The following OTOL1 variants were observed in gnomAD, a reference collection of about 807,000 sequenced individuals.
The protein encoded by OTOL1 is otolin 1.
In OTOL1, 31 loss-of-function variants were observed where a neutral mutation model predicts 25.0. The ratio of observed to expected loss-of-function variants is 1.24; its 90% CI spans 0.93 to 1.67. The LOEUF is 1.67. OTOL1 is among the 40% of genes most tolerant of loss of function. The pLI, the probability that OTOL1 is intolerant of heterozygous loss-of-function variation, is 0.00. For missense variants in OTOL1, 654 were observed against 587.7 expected, an observed-to-expected ratio of 1.11 and a Z score of -1.17; for synonymous variants, 225 against 210.3, an observed-to-expected ratio of 1.07 and a Z score of -0.61.
At chr3:161,497,238 G>A (rs140387418) in intron 1 of OTOL1, 67 bp downstream of exon 1, 59 of 1,522,392 alleles carry the variant, frequency 3.9e-5, no homozygotes, top group Admixed American at 3.7e-4. Flanking sequence ...GTAGGTTGTC[G>A]GGTGAAATTG....
In OTOL1 at chr3:161,499,218, G is replaced by T. The variant is rs747501456; in HGVS notation, c.412G>T (p.Val138Phe). Residue 138 changes from valine (V) to phenylalanine (F), a missense_variant, in exon 2 of 4, where the codon GTT becomes TTT. Transcript: ENST00000327928. Reference protein sequence around the residue: ...GNLGIPGPPGVVGPQGPRGYK... With the variant: ...GNLGIPGPPGFVGPQGPRGYK... ...TTTGGGGATCCCAGGGCCACCAGGA[G>T]TTGTTGGGCCCCAAGGCCCTAGAGG... 1 of 1,611,706 alleles carries T rather than the reference G, an allele frequency of 6.2e-7. No individual in the cohort carries two copies. The highest frequency in any genetic ancestry group is 1.1e-5 in the South Asian group (1 of 90,426).
chr3:161,500,080 A>G (rs1412463911), intron 2 of OTOL1, among the ~76,000 whole-genome samples: 2 of 152,306 alleles, frequency 1.3e-5, no homozygotes, highest in African/African-American at 4.8e-5. Flanking sequence ...AGCAGCCTGT[A>G]GAAATACCAT....
rs1049612191 is a variant in OTOL1 at position 161,503,632 on chromosome 3, C to A, written c.1124C>A (p.Pro375His). 1.2e-6 allele frequency: 2 copies of A among 1,613,696 alleles called. No homozygotes were observed. Among genetic ancestry groups the A allele is most frequent in the African/African-American group, 2.7e-5 (2 of 74,896 alleles). ...ILYNDQGNYS[P>H]VTGKFNCSIP... ...TATAATGACCAAGGGAATTACAGTC[C>A]TGTCACTGGGAAGTTTAACTGCTCT... is the stretch of plus-strand genomic sequence containing the variant. The change falls in exon 4 of 4, where the codon CCT becomes CAT. Residue 375 changes from proline to histidine, a missense_variant. Physicochemically the swap from Pro to His is moderately conservative, Grantham distance 77. Coordinates refer to ENST00000327928, the MANE Select transcript of OTOL1 (RefSeq NM_001080440.1).
chr3:161,497,487 G>A (rs1243367988), intron 1 of OTOL1, among the ~76,000 whole-genome samples: 1 of 152,136 alleles, frequency 6.6e-6, no homozygotes, highest in African/African-American at 2.4e-5. Context: ...ACTGGACAGT[G>A]CTGGTGAGAG....
intron 2 of OTOL1, among the ~76,000 whole-genome samples, chr3:161,501,758 G>T (rs1454500606): frequency 6.6e-6 from 1 of 152,010 alleles, no homozygotes; most frequent in Non-Finnish European, 1.5e-5. Context: ...TTTATGAGAG[G>T]TTTGAAGAGC....
rs1719042539 is a variant in OTOL1 at position 161,503,779 on chromosome 3, T to C, written c.1271T>C (p.Ile424Thr). The C allele has an allele frequency of 3.7e-6, 6 of 1,613,738 alleles. No homozygotes were observed. Among genetic ancestry groups the C allele is most frequent in the Non-Finnish European group, 2.5e-6 (3 of 1,179,846 alleles). ...AGAGAAACTCTCTATGGTCAGGAAA[T>C]AGACCAGGCCTCTCTCCTCGTCATC... ...KSRETLYGQE[I>T]DQASLLVILK... The change falls in exon 4 of 4, where the codon ATA (isoleucine) becomes ACA (threonine). Residue 424 changes from isoleucine to threonine, a missense_variant. By Grantham distance (89) the Ile-to-Thr change is moderately conservative. Transcript: ENST00000327928.
Position 161,503,120 on chromosome 3 carries a change from C to A in OTOL1, c.612C>A (p.Thr204=). The part of the protein sequence containing the change: ...GSKGDTCGNC[T]KGEKGDQGAM... ...AGGGAGACACATGTGGGAATTGTAC[C>A]AAAGGAGAAAAAGGAGACCAAGGGG... Residue 204 remains threonine (T), a synonymous_variant, in exon 4 of 4, where the codon ACC becomes ACA. Transcript: ENST00000327928. 1 of 1,430,564 alleles carries A rather than the reference C, an allele frequency of 7.0e-7. No homozygotes were observed. Among genetic ancestry groups the A allele is most frequent in the Non-Finnish European group, 9.1e-7 (1 of 1,094,420 alleles). 88.6% of individuals were successfully genotyped at this position (1,430,564 alleles called of 1,614,324 possible).
chr3:161,497,270 T>C (rs1718858147), intron 1 of OTOL1, 99 bp downstream of exon 1: 1 of 1,395,460 alleles, frequency 7.2e-7, no homozygotes, highest in Non-Finnish European at 9.7e-7. Flanking sequence ...TCTACGTTGT[T>C]ATGCAAATAG....
In OTOL1 at chr3:161,503,378, GATT is replaced by G. The variant is rs1350623906; in HGVS notation, c.872_874del (p.Ile291del). 2 of 1,607,840 alleles carry G rather than the reference GATT, an allele frequency of 1.2e-6. No individual in the cohort carries two copies. Among genetic ancestry groups the G allele is most frequent in the African/African-American group, 1.3e-5 (1 of 74,538 alleles). Reference sequence around the variant, plus strand: ...TGCCTGGGGCCAAAGGTGATCCAGGGATTAAAGGAGAAAAAGGAGAGTTAGGTC... The same window carrying G: ...TGCCTGGGGCCAAAGGTGATCCAGGGAAAGGAGAAAAAGGAGAGTTAGGTC... On this transcript the variant is annotated inframe_deletion, in exon 4 of 4. Transcript: ENST00000327928.
chr3:161,497,021 C>T lies in OTOL1; in HGVS notation c.214C>T (p.Pro72Ser), dbSNP rs546746940. Residue 72 changes from proline (P) to serine (S), a missense_variant, in exon 1 of 4, where the codon CCC becomes TCC. Physicochemically the swap from Pro to Ser is moderately conservative, Grantham distance 74. Coordinates refer to ENST00000327928, the MANE Select transcript of OTOL1 (RefSeq NM_001080440.1). ...TGAAATGGCAGAACCAATTACCAAACCCTCGGCCTTGGATTCTGTCTTTGG... is the reference window on the plus strand; with the variant it reads ...TGAAATGGCAGAACCAATTACCAAATCCTCGGCCTTGGATTCTGTCTTTGG... ...MAEMAEPITK[P>S]SALDSVFGTA... 2.5e-6 allele frequency: 4 copies of T among 1,613,666 alleles called. No individual in the cohort carries two copies. Among genetic ancestry groups the T allele is most frequent in the East Asian group, 2.2e-5 (1 of 44,874 alleles).
chr3:161,503,066 G>T lies in OTOL1; in HGVS notation c.558G>T (p.Leu186Phe). The change falls in exon 4 of 4, where the codon TTG becomes TTT. Residue 186 changes from leucine to phenylalanine, a missense_variant. Transcript: ENST00000327928. ...GPKGDKGNIG[L>F]GGVKGQKGSK... ...AGGGAGATAAAGGAAACATTGGTTT[G>T]GGAGGAGTGAAAGGACAAAAAGGCT... 1 of 1,386,328 alleles carries T rather than the reference G, an allele frequency of 7.2e-7. No homozygotes were observed. The highest frequency in any genetic ancestry group is 1.4e-5 in the African/African-American group (1 of 69,376). The allele number at this position is 1,386,328 out of a possible 1,614,324, so 85.9% of individuals were successfully genotyped here.
In OTOL1 at chr3:161,503,026, G is replaced by T. The variant is rs973786446; in HGVS notation, c.518G>T (p.Gly173Val). The change falls in exon 4 of 4, where the codon GGT (glycine) becomes GTT (valine). Residue 173 changes from glycine to valine, a missense_variant and splice_region_variant. Gly to Val is a moderately radical substitution (Grantham distance 109). Transcript: ENST00000327928. ...PGYPGKPGAQGEPGPKGDKGN... is the reference protein window; with the variant it reads ...PGYPGKPGAQVEPGPKGDKGN... ...ACATTATTTTAATTTTCCATTTCAGGTGAACCTGGCCCTAAGGGAGATAAA... is the reference window on the plus strand; with the variant it reads ...ACATTATTTTAATTTTCCATTTCAGTTGAACCTGGCCCTAAGGGAGATAAA... 3 of 1,324,510 alleles carry T rather than the reference G, an allele frequency of 2.3e-6. No individual in the cohort carries two copies. The highest frequency in any genetic ancestry group is 2.9e-6 in the Non-Finnish European group (3 of 1,031,182). The allele number at this position is 1,324,510 out of a possible 1,614,324, so 82.0% of individuals were successfully genotyped here.
Position 161,503,504 on chromosome 3 carries a change from C to G in OTOL1, c.996C>G (p.Gly332=), listed in dbSNP as rs201199440. ...AGAAGGGCTCTCGGGGCTTTAAAGG[C>G]TCCAAGGGTGAGTTGGCTAGAGTGC... ...TGKKGSRGFK[G]SKGELARVPR... Residue 332 remains glycine, a synonymous_variant, in exon 4 of 4, where the codon GGC becomes GGG. Transcript: ENST00000327928. The G allele has an allele frequency of 2.5e-6, 4 of 1,613,598 alleles. No individual in the cohort carries two copies. Among genetic ancestry groups the G allele is most frequent in the Non-Finnish European group, 3.4e-6 (4 of 1,179,784 alleles).
chr3:161,500,951 T>G (rs922580927), intron 2 of OTOL1, among the ~76,000 whole-genome samples: 7 of 148,000 alleles, frequency 4.7e-5, no homozygotes, highest in Non-Finnish European at 8.9e-5. Context: ...AGGATTTATT[T>G]TTTCCCTCAC....
chr3:161,499,150 T>C, intron 1 of OTOL1, 21 bp from the exon 2 acceptor site: 2 of 1,552,378 alleles, frequency 1.3e-6, no homozygotes, highest in African/African-American at 1.4e-5. Flanking sequence ...TATTCTGATG[T>C]ATTTAAAATC....
Position 161,496,975 on chromosome 3 carries a change from A to C in OTOL1, c.168A>C (p.Glu56Asp). The C allele has an allele frequency of 1.2e-6, 2 of 1,613,630 alleles. No individual in the cohort carries two copies. The highest frequency in any genetic ancestry group is 1.1e-5 in the South Asian group (1 of 91,082). Reference sequence around the variant, plus strand: ...GTGGCCCACCTCCAGAAGAAGAAGAAACCCTCTTCACAGAAATGGCTGAAA... The same window carrying C: ...GTGGCCCACCTCCAGAAGAAGAAGACACCCTCTTCACAGAAATGGCTGAAA... ...PSSGPPPEEE[E>D]TLFTEMAEMA... The change falls in exon 1 of 4, where the codon GAA (glutamate) becomes GAC (aspartate). Residue 56 changes from glutamate (E) to aspartate (D), a missense_variant. Physicochemically the swap from Glu to Asp is conservative, Grantham distance 45. Coordinates refer to ENST00000327928, the MANE Select transcript of OTOL1 (RefSeq NM_001080440.1).
At chr3:161,499,334 A>T in intron 2 of OTOL1, 74 bp downstream of exon 2, 1 of 1,121,854 alleles carries the variant, frequency 8.9e-7, no homozygotes, top group Non-Finnish European at 1.3e-6. Context: ...TGCTACTTAA[A>T]GACTAGATTC....
chr3:161,499,977 G>T (rs1172727805), intron 2 of OTOL1, among the ~76,000 whole-genome samples: 1 of 152,086 alleles, frequency 6.6e-6, no homozygotes, highest in Non-Finnish European at 1.5e-5. Flanking sequence ...AAGGCTTTCT[G>T]CCCCAGGAAA....
chr3:161,503,595 G>T lies in OTOL1; in HGVS notation c.1087G>T (p.Glu363Ter), dbSNP rs1381633774. Reference protein sequence around the residue: ...FPPPNIPIKFEKILYNDQGNY... With the variant: ...FPPPNIPIKF The stretch of plus-strand genomic sequence containing the variant: ...TCCTCCTAACATCCCCATCAAATTT[G>T]AAAAGATTCTCTATAATGACCAAGG... The change falls in exon 4 of 4, where the codon GAA (glutamate) becomes TAA (stop). Residue 363 changes from glutamate (E) to a stop codon, truncating the protein, a stop_gained. Coordinates refer to ENST00000327928, the MANE Select transcript of OTOL1 (RefSeq NM_001080440.1). LOFTEE classifies it high-confidence loss of function. The T allele has an allele frequency of 6.2e-7, 1 of 1,613,656 alleles. No individual in the cohort carries two copies. The highest frequency in any genetic ancestry group is 2.2e-5 in the East Asian group (1 of 44,858).
Sources: allele counts gnomAD v4.1 joint callset (sites outside exome capture counted in the v4.1 genomes callset), GRCh38; gene constraint gnomAD v4.1.1; transcripts MANE v1.5; gene names NCBI Gene and HGNC (gene_info 2026-07-23, HGNC 2026-07-21).